PPM1F: variants seen among roughly 807,000 people sequenced by gnomAD.
PPM1F encodes protein phosphatase 1F.
Under a neutral mutation model 35.5 loss-of-function variants are expected in PPM1F, and 17 were observed. The ratio of observed to expected loss-of-function variants is 0.48; its 90% confidence interval spans 0.33 to 0.72. The LOEUF (loss-of-function observed/expected upper bound fraction) is 0.72. PPM1F is among the 30% of genes least tolerant of loss of function. The pLI is 0.02. For synonymous variants in PPM1F, 241 were observed against 255.5 expected (o/e 0.94, Z 0.54); for missense variants, 521 against 613.0 (o/e 0.85, Z 1.59).
chr22:21,928,844 T>C (rs1392802385), intron 6 of PPM1F, among the ~76,000 whole-genome samples: 1 of 126,578 alleles, frequency 7.9e-6, no homozygotes, highest in African/African-American at 3.4e-5. Context: ...TCCATTCATC[T>C]CTCTGCCTCA....
rs540309312 is a variant in PPM1F at position 21,928,598 on chromosome 22, T to G, written c.891+2550A>C. Among the ~76,000 whole-genome samples the G allele has an allele frequency of 4.6e-5, 7 of 152,154 alleles. No homozygotes were observed. In the South Asian group the frequency reaches 1.5e-3, roughly 32 times the overall value. On this transcript the variant is annotated intron_variant, in intron 6 of 7. Transcript: ENST00000263212. ...TGATTCTGGGGCTTGTTTTTGTTTTTTGAAGACAGGGTCTCACTCTGTTGC... is the reference window on the plus strand; with the variant it reads ...TGATTCTGGGGCTTGTTTTTGTTTTGTGAAGACAGGGTCTCACTCTGTTGC...
At position 21,923,337 on chromosome 22, in the gene PPM1F, G is replaced by A; in HGVS notation, c.1120C>T (p.Leu374=). Residue 374 remains leucine (L), a synonymous_variant, in exon 8 of 8, where the codon CTG becomes TTG. Coordinates refer to ENST00000263212, the MANE Select transcript of PPM1F (RefSeq NM_014634.4). ...TGCCTGGTCAGGTGGCTCTGGACCA[G>A]GCCAACAACTTCCTGGTGGGGTACG... ...DVVPHQEVVG[L]VQSHLTRQQG... is the part of the protein sequence containing the mutation. The A allele has an allele frequency of 1.2e-6, 2 of 1,613,758 alleles. No individual in the cohort carries two copies. Among genetic ancestry groups the A allele is most frequent in the African/African-American group, 2.7e-5 (2 of 75,038 alleles).
chr22:21,950,449 G>A (rs1270937098), intron 1 of PPM1F: 1 of 151,202 alleles, frequency 6.6e-6, no homozygotes, highest in African/African-American at 2.4e-5. Flanking sequence ...TGACTCCTAA[G>A]CTTAACGAAT....
At chr22:21,923,581 C>G (rs2070474332) in intron 7 of PPM1F, 110 bp from the exon 8 acceptor site, 1 of 1,223,810 alleles carries the variant, frequency 8.2e-7, no homozygotes, top group African/African-American at 1.5e-5. Flanking sequence ...CCAACCTGCT[C>G]TCATGGGGTC....
intron 1 of PPM1F, chr22:21,946,984 A>T (rs1601793342): frequency 6.6e-6 from 1 of 152,304 alleles, no homozygotes; most frequent in South Asian, 2.1e-4. Flanking sequence ...CACAGATGAG[A>T]ATCCCAAGGT....
At chr22:21,936,846 A>G (rs1444243360) in intron 3 of PPM1F, 1 of 152,256 alleles carries the variant, frequency 6.6e-6, no homozygotes, top group Non-Finnish European at 1.5e-5. Context: ...TTCCAGACCC[A>G]CAGAAACTGG....
intron 3 of PPM1F, chr22:21,938,270 G>T (rs1175311870): frequency 1.0e-5 from 13 of 1,283,694 alleles, no homozygotes; most frequent in Non-Finnish European, 1.2e-5. Context: ...CCTGGGCGGT[G>T]GCGGCGCCCC....
At chr22:21,926,666 C>T (rs757830005) in intron 6 of PPM1F, among the ~76,000 whole-genome samples, 3 of 152,156 alleles carry the variant, frequency 2.0e-5, no homozygotes, top group African/African-American at 7.2e-5. Flanking sequence ...GACGGAGGCA[C>T]CCTGGGAGTG....
chr22:21,952,116 T>TGCCGAAATCCCTGCA (rs1221869487), intron 1 of PPM1F: 1 of 152,362 alleles, frequency 6.6e-6, no homozygotes, highest in Non-Finnish European at 1.5e-5. Context: ...TCAAGCGCTG[T>TGCCGAAATCCCTGCA]GCCGAAATCC....
In PPM1F at chr22:21,933,498, G is replaced by A; in HGVS notation, c.640C>T (p.His214Tyr). 1.9e-6 allele frequency: 3 copies of A among 1,613,672 alleles called. No individual in the cohort carries two copies. The highest frequency in any genetic ancestry group is 2.5e-6 in the Non-Finnish European group (3 of 1,180,008). ...TCTGGCTGGCGGGCAGCGTTGGTGT[G>A]CACGTGGACAGCGGCGTACCTCGCA... ...DAARYAAVHV[H>Y]TNAARQPELP... The change falls in exon 5 of 8, where the codon CAC (histidine) becomes TAC (tyrosine). Residue 214 changes from histidine to tyrosine, a missense_variant. This residue lies in a region of PPM1F where 311 missense variants were observed against 351.5 expected (regional missense o/e 0.88). Transcript: ENST00000263212.
In PPM1F at chr22:21,938,367, T is replaced by A. The variant is rs930644971; in HGVS notation, c.355+1165A>T. 1.3e-4 allele frequency: 155 copies of A among 1,176,196 alleles called. 4 individuals carry two copies. In the South Asian group the frequency reaches 2.3e-3, roughly 18 times the overall value. The allele number at this position is 1,176,196 out of a possible 1,614,324, so 72.9% of individuals were successfully genotyped here. A position where few individuals can be genotyped will look rare whatever the true frequency, so the allele number is the denominator to read the frequency against. On this transcript the variant is annotated intron_variant, in intron 3 of 7. Coordinates refer to ENST00000263212, the MANE Select transcript of PPM1F (RefSeq NM_014634.4). ...GCCGAGAACAATGGCCGCCTGTCAC[T>A]GTGGACAGCTGTCTCCCAGGCTAAG...
intron 3 of PPM1F, chr22:21,938,818 T>G (rs1412395300): frequency 6.4e-6 from 1 of 155,078 alleles, no homozygotes; most frequent in Non-Finnish European, 1.4e-5. Flanking sequence ...ATGAAATTAC[T>G]AGGAGAATGA....
rs762418473 is a variant in PPM1F, at chr22:21,925,681, A to G, written c.892-19T>C. Reference sequence around the variant, plus strand: ...TCTCATCCTGCAGAAACACAGCCAGAGTTGGGGGCAGGGCCGGGGGGATGG... The same window carrying G: ...TCTCATCCTGCAGAAACACAGCCAGGGTTGGGGGCAGGGCCGGGGGGATGG... On this transcript the variant is annotated intron_variant, in intron 6 of 7. Coordinates refer to ENST00000263212, the MANE Select transcript of PPM1F (RefSeq NM_014634.4). 3.3e-6 allele frequency: 5 copies of G among 1,538,156 alleles called. No homozygotes were observed. Among genetic ancestry groups the G allele is most frequent in the South Asian group, 1.2e-5 (1 of 84,148 alleles).
chr22:21,919,918 C>G lies in PPM1F; in HGVS notation c.*3174G>C, dbSNP rs892147727. ...GGAGGGGGCCCCATACTGGCCCTGC[C>G]GTCTGCACCCCGTCCCTTTCCCCAC... On this transcript the variant is annotated 3_prime_UTR_variant, in exon 8 of 8. Transcript: ENST00000263212. 2.0e-5 allele frequency: 3 copies of G among 152,364 alleles called. No homozygotes were observed. In the East Asian group the frequency reaches 5.8e-4, roughly 29 times the overall value. The allele number at this position is 152,364 out of a possible 1,614,324, so 9.4% of individuals were successfully genotyped here.
In PPM1F at chr22:21,921,114, TG is replaced by T. The variant is rs1482408265; in HGVS notation, c.*1977del. The stretch of plus-strand genomic sequence containing the variant: ...GTGCTGTGAGAATGAGGGGTAAGGC[TG>T]GGCATGCAGGTAGGGCCCCAGCAAA... On this transcript the variant is annotated 3_prime_UTR_variant, in exon 8 of 8. Coordinates refer to ENST00000263212, the MANE Select transcript of PPM1F (RefSeq NM_014634.4). The T allele has an allele frequency of 1.3e-5, 2 of 151,594 alleles. No homozygotes were observed. The highest frequency in any genetic ancestry group is 2.1e-4 in the South Asian group (1 of 4,786). 9.4% of individuals were successfully genotyped at this position (151,594 alleles called of 1,614,324 possible).
Position 21,939,715 on chromosome 22 carries a change from C to T in PPM1F, c.207-35G>A, listed in dbSNP as rs1201671713. 4.5e-6 allele frequency: 7 copies of T among 1,550,358 alleles called. No homozygotes were observed. Among genetic ancestry groups the T allele is most frequent in the Non-Finnish European group, 6.1e-6 (7 of 1,146,402 alleles). On this transcript the variant is annotated intron_variant, in intron 2 of 7. Transcript: ENST00000263212. The surrounding 1 kb of genome is among the most constrained non-coding windows in gnomAD (Gnocchi z 5.1). ...AGGAGGGGGAAGTGAGGGGCAGCCC[C>T]CAGCAGGAGACCACACCTAGCCCCC...
rs764188200 is a variant in PPM1F, at chr22:21,931,276, T to C, written c.763A>G (p.Thr255Ala). ...GCAATGAGCGCACACACACCTGTGG[T>C]GCCGCTCTGCAGCCGCTGCAGGGAG... is the stretch of plus-strand genomic sequence containing the variant. ...KAKRERLQSG[T>A]TGVCALIAGA... The change falls in exon 6 of 8, where the codon ACC becomes GCC. Residue 255 changes from threonine (T) to alanine (A), a missense_variant. Around this residue, in one of 3 missense-constraint regions of PPM1F, gnomAD observed 311 missense variants for 351.5 expected, o/e 0.88. Coordinates refer to ENST00000263212, the MANE Select transcript of PPM1F (RefSeq NM_014634.4). 2 of 1,612,404 alleles carry C rather than the reference T, an allele frequency of 1.2e-6. No homozygotes were observed. The highest frequency in any genetic ancestry group is 2.2e-5 in the South Asian group (2 of 91,072).
chr22:21,951,349 CTT>C (rs56062012), intron 1 of PPM1F: 17,118 of 98,936 alleles, frequency 0.17, 1,224 homozygotes, highest in East Asian at 0.28. Flanking sequence ...AGATGGTATC[CTT>C]TTTTTTTTTT....
At chr22:21,950,458 A>G (rs2070823991) in intron 1 of PPM1F, 1 of 152,032 alleles carries the variant, frequency 6.6e-6, no homozygotes, top group Non-Finnish European at 1.5e-5. Context: ...AGCTTAACGA[A>G]TGCAGGGTTT....
Sources: gnomAD v4.1 joint callset for allele counts (sites outside exome capture counted in the v4.1 genomes callset) on GRCh38, gnomAD v4.1.1 for gene constraint, gnomAD v4.1.1 regional missense constraint, Gnocchi (gnomAD v3.1) non-coding constraint, MANE v1.5 for transcripts, NCBI Gene and HGNC (gene_info 2026-07-23, HGNC 2026-07-21) for gene names.